POM121: variants seen among roughly 807,000 people sequenced by gnomAD.
POM121 encodes the protein nuclear envelope pore membrane protein POM 121.
In POM121, 32 loss-of-function variants were observed where a neutral mutation model predicts 81.3. That is an observed-to-expected ratio of 0.39 (90% CI 0.30 to 0.53). The LOEUF is 0.53. Among genes scored for constraint, POM121 ranks in the 20% least tolerant of loss-of-function variants. The pLI is 0.66. For synonymous variants in POM121, 514 were observed against 694.2 expected (o/e 0.74, Z 4.08); for missense variants, 1,138 against 1,614.6 (o/e 0.70, Z 5.06).
At chr7:72,891,953 A>C (rs1458680531) in intron 3 of POM121, among the ~76,000 whole-genome samples, 2 of 152,158 alleles carry the variant, frequency 1.3e-5, no homozygotes, top group Non-Finnish European at 2.9e-5. Flanking sequence ...GTCCATGCTC[A>C]GTTGATGTGA....
intron 11 of POM121, among the ~76,000 whole-genome samples, chr7:72,944,711 C>T (rs546782733): frequency 1.3e-5 from 2 of 152,000 alleles, no homozygotes; most frequent in Admixed American, 6.5e-5. Context: ...AAGTCAGCTG[C>T]AGGAGGGGTG....
intron 1 of POM121, among the ~76,000 whole-genome samples, chr7:72,882,256 G>T (rs1554489405): frequency 6.6e-6 from 1 of 152,172 alleles, no homozygotes. Context: ...GAAACTTACA[G>T]TCAGGTGAAA....
At chr7:72,896,048 G>A (rs1205903994) in intron 3 of POM121, among the ~76,000 whole-genome samples, 4 of 151,984 alleles carry the variant, frequency 2.6e-5, no homozygotes, top group African/African-American at 7.3e-5. Flanking sequence ...GCTTTGAGAC[G>A]CATCATGAGT....
At chr7:72,890,600 C>T in intron 1 of POM121, 2 of 1,597,706 alleles carry the variant, frequency 1.3e-6, no homozygotes, top group Non-Finnish European at 1.7e-6. Flanking sequence ...TCCATATCTC[C>T]CAATTCTGAT....
chr7:72,940,239 T>C (rs1295182149), intron 8 of POM121, among the ~76,000 whole-genome samples, 175 bp from the exon 9 acceptor site: 1 of 150,008 alleles, frequency 6.7e-6, no homozygotes, highest in Non-Finnish European at 1.5e-5. Context: ...TGATTTTTTG[T>C]GTTTTTAGTA....
In POM121 at chr7:72,939,344, A is replaced by G. The variant is rs782259939; in HGVS notation, c.1376A>G (p.Glu459Gly). 1 of 1,613,842 alleles carries G rather than the reference A, an allele frequency of 6.2e-7. No individual in the cohort carries two copies. Among genetic ancestry groups the G allele is most frequent in the Non-Finnish European group, 8.5e-7 (1 of 1,179,820 alleles). The stretch of plus-strand genomic sequence containing the variant: ...TCCTTTTTTCCTGACAGAGAAGAGG[A>G]GCTGTGTCATCATTCCAGTTCTTCA... ...ERPAKKIREE[E>G]LCHHSSSSTP... The change falls in exon 7 of 13, where the codon GAG becomes GGG. Residue 459 changes from glutamate (E) to glycine (G), a missense_variant. Transcript: ENST00000434423.
chr7:72,902,910 A>G (rs1792845769), intron 3 of POM121, among the ~76,000 whole-genome samples: 1 of 152,066 alleles, frequency 6.6e-6, no homozygotes, highest in Admixed American at 6.6e-5. Flanking sequence ...TTAACTCTTT[A>G]TTCATCGTTT....
intron 3 of POM121, among the ~76,000 whole-genome samples, chr7:72,927,729 G>T (rs185431880): frequency 6.6e-6 from 1 of 151,880 alleles, no homozygotes; most frequent in Admixed American, 6.6e-5. Flanking sequence ...TCCTTATGTG[G>T]TTTATAGAAT....
rs1292556199 is a variant in POM121, at chr7:72,939,535, AG to A, written c.1441+127del. The A allele has an allele frequency of 2.1e-6, 3 of 1,402,644 alleles. No homozygotes were observed. The African/African-American group carries it at 4.4e-5, about 20-fold the overall frequency. The allele number at this position is 1,402,644 out of a possible 1,614,324, so 86.9% of individuals were successfully genotyped here. A position where few individuals can be genotyped will look rare whatever the true frequency, so the allele number is the denominator to read the frequency against. ...TATGTCTAAGGCATGTTAGATACAA[AG>A]AGAGAGATTTCCTCTCCTTCAGAAG... On this transcript the variant is annotated intron_variant, in intron 7 of 12. Transcript: ENST00000434423.
chr7:72,945,312 G>A (rs1306917705), intron 11 of POM121, among the ~76,000 whole-genome samples: 1 of 152,134 alleles, frequency 6.6e-6, no homozygotes, highest in Non-Finnish European at 1.5e-5. Context: ...CCTCTGCAGC[G>A]ATGGTCAGGA....
intron 4 of POM121, among the ~76,000 whole-genome samples, chr7:72,918,475 TG>T (rs1461041925): frequency 1.3e-5 from 2 of 152,182 alleles, no homozygotes; most frequent in Non-Finnish European, 2.9e-5. Context: ...CTGTATGGCC[TG>T]GTTTTTCCTA....
intron 1 of POM121, among the ~76,000 whole-genome samples, chr7:72,889,425 G>T (rs1428264069): frequency 1.3e-5 from 2 of 152,214 alleles, no homozygotes; most frequent in Non-Finnish European, 2.9e-5. Context: ...AGTTTGGGCG[G>T]GGCATGCTGG....
intron 4 of POM121, among the ~76,000 whole-genome samples, chr7:72,916,940 G>A (rs1171721216): frequency 6.6e-6 from 1 of 152,166 alleles, no homozygotes; most frequent in Non-Finnish European, 1.5e-5. Flanking sequence ...GGCTTCCTAA[G>A]GGCTGATTTC....
downstream of POM121, chr7:72,950,018 G>A (rs377514210): frequency 3.1e-5 from 48 of 1,544,004 alleles, 1 homozygote; most frequent in African/African-American, 4.2e-5. Flanking sequence ...GGCCCTTCCC[G>A]TGCCTACACA....
intron 5 of POM121, among the ~76,000 whole-genome samples, chr7:72,931,328 G>A (rs1273700940): frequency 2.6e-4 from 40 of 152,116 alleles, no homozygotes; most frequent in Admixed American, 7.9e-4. Context: ...AGCCTATACC[G>A]AAGTTGGGTG....
chr7:72,898,792 T>C (rs1554492130), intron 3 of POM121, among the ~76,000 whole-genome samples: 3 of 108,882 alleles, frequency 2.8e-5, no homozygotes, highest in African/African-American at 7.2e-5. Context: ...AGTGAGACTG[T>C]CTCAAAAAAA....
At chr7:72,886,264 C>G (rs1790705752) in intron 1 of POM121, among the ~76,000 whole-genome samples, 1 of 152,080 alleles carries the variant, frequency 6.6e-6, no homozygotes, top group African/African-American at 2.4e-5. Context: ...ACCTCTGCCT[C>G]CCTGGTTCAA....
At chr7:72,907,252 T>C (rs188798014) in intron 3 of POM121, among the ~76,000 whole-genome samples, 161 of 152,308 alleles carry the variant, frequency 1.1e-3, no homozygotes, top group Non-Finnish European at 2.0e-3. Flanking sequence ...CCAGTTCAAG[T>C]GGAATGTAGA....
At chr7:72,900,761 C>G (rs1792535581) in intron 3 of POM121, among the ~76,000 whole-genome samples, 1 of 152,158 alleles carries the variant, frequency 6.6e-6, no homozygotes, top group African/African-American at 2.4e-5. Flanking sequence ...GCCTCAGCCT[C>G]CCAAAGTGTT....
Sources: allele counts gnomAD v4.1 joint callset (sites outside exome capture counted in the v4.1 genomes callset), GRCh38; gene constraint gnomAD v4.1.1; transcripts MANE v1.5; gene names NCBI Gene and HGNC (gene_info 2026-07-23, HGNC 2026-07-21).